Variants in PRKCH observed in about 807,000 individuals in gnomAD.
The protein encoded by PRKCH is protein kinase C eta type.
Under a neutral mutation model 82.5 loss-of-function variants are expected in PRKCH, and 28 were observed. The ratio of observed to expected loss-of-function variants is 0.34; its 90% CI spans 0.25 to 0.47. PRKCH has a LOEUF of 0.47. Among genes scored for constraint, PRKCH ranks in the 20% least tolerant of loss-of-function variants. The probability of loss-of-function intolerance (pLI) is 1.00; values close to 1 mark genes in which losing one functional copy is unlikely to be tolerated. For synonymous variants in PRKCH, 322 were observed against 327.4 expected, an observed-to-expected ratio of 0.98 and a Z score of 0.18; for missense variants, 705 against 881.8, an observed-to-expected ratio of 0.80 and a Z score of 2.54.
chr14:61,445,838 G>C, intron 4 of PRKCH, 112 bp downstream of exon 4: 1 of 1,141,398 alleles, frequency 8.8e-7, no homozygotes, highest in African/African-American at 1.5e-5. Flanking sequence ...ATAACTCTCT[G>C]TAGGTCAAAG....
chr14:61,335,406 TC>T (rs1352461348), intron 1 of PRKCH, among the ~76,000 whole-genome samples: 1 of 152,182 alleles, frequency 6.6e-6, no homozygotes, highest in East Asian at 1.9e-4. Flanking sequence ...ATGGAAAGTT[TC>T]AATAATTTAG....
chr14:61,331,997 T>C lies in PRKCH; in HGVS notation c.363+9533T>C, dbSNP rs1594920392. 2.6e-5 allele frequency among the ~76,000 whole-genome samples: 4 copies of C among 152,358 alleles called. No individual in the cohort carries two copies. In the South Asian group the frequency reaches 8.3e-4, roughly 32 times the overall value. ...ATACATTTCAAGCCATGCAGTTGTA[T>C]TTCTTGATTTATGCTAACGCACTCC... On this transcript the variant is annotated intron_variant, in intron 1 of 13. Coordinates refer to ENST00000332981, the MANE Select transcript of PRKCH (RefSeq NM_006255.5).
In PRKCH at chr14:61,194,365, C is replaced by T. The variant is rs551650108; in HGVS notation, c.-19+6697C>T. Among the ~76,000 whole-genome samples the T allele has an allele frequency of 7.5e-4, 114 of 152,218 alleles. 3 individuals carry two copies. The South Asian group carries it at 0.023, about 31-fold the overall frequency. ...AAGGGCATGACATTTGGAGATGGGA[C>T]TTTTGGGGGGCAATTAGGTCAGGGT... On this transcript the variant is annotated intron_variant, in intron 1 of 3. Coordinates refer to the PRKCH transcript ENST00000555185.
chr14:61,403,436 T>G (rs991449856), intron 2 of PRKCH, among the ~76,000 whole-genome samples: 2 of 152,374 alleles, frequency 1.3e-5, no homozygotes, highest in African/African-American at 4.8e-5. Context: ...AATTGTCATT[T>G]TTTTGAAACT....
At chr14:61,231,306 C>T (rs1448941913) in intron 1 of PRKCH, among the ~76,000 whole-genome samples, 1 of 151,730 alleles carries the variant, frequency 6.6e-6, no homozygotes, top group African/African-American at 2.4e-5. Context: ...ACACAAAGTG[C>T]TTAGAACAGT....
rs2043029194 is a variant in PRKCH at position 61,530,291 on chromosome 14, G to T, written c.1573-116G>T. 3.5e-6 allele frequency: 4 copies of T among 1,137,514 alleles called. No individual in the cohort carries two copies. The African/African-American group carries it at 4.7e-5, about 13-fold the overall frequency. The allele number at this position is 1,137,514 out of a possible 1,614,324, so 70.5% of individuals were successfully genotyped here. A position where few individuals can be genotyped will look rare whatever the true frequency, so the allele number is the denominator to read the frequency against. On this transcript the variant is annotated intron_variant, in intron 11 of 13. Transcript: ENST00000332981. Reference sequence around the variant, plus strand: ...GAATGAAATACGCTTGCTAGCACAGGAGACTTTTTTAAAAAAACTTTGATA... The same window carrying T: ...GAATGAAATACGCTTGCTAGCACAGTAGACTTTTTTAAAAAAACTTTGATA...
intron 1 of PRKCH, among the ~76,000 whole-genome samples, chr14:61,220,372 T>C (rs1038839022): frequency 2.0e-5 from 3 of 152,182 alleles, no homozygotes; most frequent in Non-Finnish European, 4.4e-5. Flanking sequence ...GCCTATTAGA[T>C]TGGATGAAGG....
chr14:61,460,500 G>A (rs912401022), intron 9 of PRKCH, among the ~76,000 whole-genome samples: 5 of 152,150 alleles, frequency 3.3e-5, no homozygotes, highest in African/African-American at 1.2e-4. Flanking sequence ...ACGTTTTATT[G>A]TCCATGTACC....
intron 9 of PRKCH, among the ~76,000 whole-genome samples, chr14:61,484,805 G>A (rs1886136807): frequency 7.7e-6 from 1 of 129,674 alleles, no homozygotes; most frequent in Non-Finnish European, 1.5e-5. Context: ...TCTTACTCCT[G>A]TCGCTCAGGT....
intron 1 of PRKCH, among the ~76,000 whole-genome samples, chr14:61,336,924 C>T (rs769326052): frequency 4.6e-5 from 7 of 151,860 alleles, no homozygotes; most frequent in Non-Finnish European, 1.0e-4. Context: ...CAAAAATTAG[C>T]TGGGCTTGGT....
At chr14:61,480,672 C>G (rs138511859) in intron 9 of PRKCH, among the ~76,000 whole-genome samples, 1 of 152,306 alleles carries the variant, frequency 6.6e-6, no homozygotes, top group African/African-American at 2.4e-5. Flanking sequence ...CTAGTAGAGA[C>G]TGGTAGTGAG....
intron 1 of PRKCH, among the ~76,000 whole-genome samples, chr14:61,345,404 C>T (rs553080320): frequency 6.6e-6 from 1 of 152,176 alleles, no homozygotes; most frequent in Non-Finnish European, 1.5e-5. Context: ...TTTTCTCCAT[C>T]CAGAGGCTTT....
intron 1 of PRKCH, among the ~76,000 whole-genome samples, chr14:61,221,343 C>T (rs1047880067): frequency 1.6e-4 from 24 of 152,186 alleles, no homozygotes; most frequent in Non-Finnish European, 7.3e-5. Context: ...TAGACAAAAT[C>T]ATTGGAATTG....
At chr14:61,403,506 T>C (rs1881774658) in intron 2 of PRKCH, among the ~76,000 whole-genome samples, 1 of 152,252 alleles carries the variant, frequency 6.6e-6, no homozygotes, top group Non-Finnish European at 1.5e-5. Flanking sequence ...GTTTTTGTTA[T>C]AAGCCTGTTC....
chr14:61,514,187 G>A (rs1044601393), intron 10 of PRKCH, among the ~76,000 whole-genome samples: 1 of 151,884 alleles, frequency 6.6e-6, no homozygotes, highest in Admixed American at 6.6e-5. Flanking sequence ...TGGCTGACCC[G>A]TCTGCTCACG....
intron 3 of PRKCH, among the ~76,000 whole-genome samples, chr14:61,443,522 C>G (rs1188929051): frequency 6.6e-6 from 1 of 152,062 alleles, no homozygotes; most frequent in Non-Finnish European, 1.5e-5. Flanking sequence ...AACTGGTCAA[C>G]AAGCATAAAT....
chr14:61,312,827 C>T (rs1052602008), intron 1 of PRKCH, among the ~76,000 whole-genome samples: 3 of 152,248 alleles, frequency 2.0e-5, no homozygotes, highest in African/African-American at 7.2e-5. Flanking sequence ...AGCTACAATT[C>T]AAGACGCGAT....
At chr14:61,350,649 C>CT (rs928467014) in intron 1 of PRKCH, among the ~76,000 whole-genome samples, 2 of 152,152 alleles carry the variant, frequency 1.3e-5, no homozygotes, top group African/African-American at 2.4e-5. Context: ...GGTCATAACA[C>CT]TTTTTTGTCT....
rs376746171 is a variant in PRKCH, at chr14:61,188,574, A to AGTGTGT, written c.-19+915_-19+920dup. Among the ~76,000 whole-genome samples the AGTGTGT allele has an allele frequency of 6.3e-4, 35 of 55,952 alleles. 2 individuals are homozygous for AGTGTGT. The highest frequency in any genetic ancestry group is 2.1e-3 in the African/African-American group (31 of 14,920). 36.7% of individuals were successfully genotyped at this position (55,952 alleles called of 152,430 possible). ...CCTCCTCACCCCCAGACGTTGCTGT[A>AGTGTGT]GTGTGTGTGTGTGTCGGGGGGGTGG... On this transcript the variant is annotated intron_variant, in intron 1 of 3. Coordinates refer to the PRKCH transcript ENST00000555185.
Sources: allele counts gnomAD v4.1 joint callset (sites outside exome capture counted in the v4.1 genomes callset), GRCh38; gene constraint gnomAD v4.1.1; transcripts MANE v1.5; gene names NCBI Gene and HGNC (gene_info 2026-07-23, HGNC 2026-07-21).